Variants in MGAT4A observed in about 807,000 individuals in gnomAD.
The protein encoded by MGAT4A is alpha-1,3-mannosyl-glycoprotein 4-beta-N-acetylglucosaminyltransferase A.
Under a neutral mutation model 74.1 loss-of-function variants are expected in MGAT4A, and 33 were observed. The ratio of observed to expected loss-of-function variants is 0.45; its 90% confidence interval spans 0.34 to 0.60. The LOEUF (loss-of-function observed/expected upper bound fraction) is 0.60, where lower values mean the gene tolerates loss of function less well. MGAT4A is among the 20% of genes least tolerant of loss of function. The pLI, the probability that MGAT4A is intolerant of heterozygous loss-of-function variation, is 0.02. For missense variants in MGAT4A, 479 were observed against 628.3 expected (o/e 0.76, Z 2.54); for synonymous variants, 198 against 210.4 (o/e 0.94, Z 0.51).
intron 14 of MGAT4A, among the ~76,000 whole-genome samples, chr2:98,632,196 TA>T: frequency 1.3e-5 from 2 of 152,152 alleles, no homozygotes; most frequent in South Asian, 4.2e-4. Context: ...ACAGCTAAAC[TA>T]AAAGAGCACC....
chr2:98,624,044 G>C lies in MGAT4A; in HGVS notation c.*1522C>G. On this transcript the variant is annotated 3_prime_UTR_variant, in exon 16 of 16. Transcript: ENST00000393487. Reference sequence around the variant, plus strand: ...TTTTTTTTTTTTGAGACGGAGTCTAGCTGTGTCGCCCAGGCTGGAGTGCAG... The same window carrying C: ...TTTTTTTTTTTTGAGACGGAGTCTACCTGTGTCGCCCAGGCTGGAGTGCAG... 1 of 983,798 alleles carries C rather than the reference G, an allele frequency of 1.0e-6. No homozygotes were observed. The highest frequency in any genetic ancestry group is 1.2e-6 in the Non-Finnish European group (1 of 828,714). 60.9% of individuals were successfully genotyped at this position (983,798 alleles called of 1,614,324 possible). A position where few individuals can be genotyped will look rare whatever the true frequency, so the allele number is the denominator to read the frequency against.
chr2:98,671,402 C>T (rs953514552), intron 4 of MGAT4A, among the ~76,000 whole-genome samples: 1 of 152,188 alleles, frequency 6.6e-6, no homozygotes, highest in African/African-American at 2.4e-5. Flanking sequence ...GAAAACCCTT[C>T]AATGGCTTCC....
At chr2:98,646,459 T>G (rs2104244542) in intron 8 of MGAT4A, among the ~76,000 whole-genome samples, 1 of 152,100 alleles carries the variant, frequency 6.6e-6, no homozygotes, top group South Asian at 2.1e-4. Flanking sequence ...ATCCCAGCAC[T>G]TCGGGGGGCC....
intron 2 of MGAT4A, among the ~76,000 whole-genome samples, chr2:98,719,302 C>T (rs1456964729): frequency 6.6e-6 from 1 of 152,048 alleles, no homozygotes; most frequent in Non-Finnish European, 1.5e-5. Context: ...GAATTTATGC[C>T]CCAGGGCATT....
At chr2:98,648,919 C>T (rs1321831285) in intron 8 of MGAT4A, among the ~76,000 whole-genome samples, 2 of 152,148 alleles carry the variant, frequency 1.3e-5, no homozygotes, top group Non-Finnish European at 1.5e-5. Flanking sequence ...GCCTTAGTCC[C>T]AGCTTCCTGG....
At chr2:98,628,466 TC>T (rs1317542475) in intron 14 of MGAT4A, among the ~76,000 whole-genome samples, 2 of 152,256 alleles carry the variant, frequency 1.3e-5, no homozygotes, top group African/African-American at 4.8e-5. Context: ...AAGTGGTTTT[TC>T]TTGCTTAGCT....
chr2:98,636,466 G>A (rs1233633870), intron 13 of MGAT4A, 51 bp downstream of exon 13: 8 of 1,346,492 alleles, frequency 5.9e-6, no homozygotes, highest in Non-Finnish European at 8.5e-6. Flanking sequence ...TTCAAGCTAA[G>A]TCTACTAGTA....
intron 4 of MGAT4A, among the ~76,000 whole-genome samples, chr2:98,673,892 A>C (rs1701944354): frequency 6.6e-6 from 1 of 152,202 alleles, no homozygotes. Context: ...TCTAAAAAAA[A>C]CAAAAAACAA....
intron 1 of MGAT4A, among the ~76,000 whole-genome samples, chr2:98,729,418 A>C (rs529976301): frequency 1.3e-5 from 2 of 152,370 alleles, no homozygotes; most frequent in East Asian, 3.8e-4. Flanking sequence ...CATAATTCAC[A>C]GGCTGGCTTG....
intron 4 of MGAT4A, among the ~76,000 whole-genome samples, chr2:98,663,863 G>A (rs2063861): frequency 0.011 from 1,671 of 152,208 alleles, 25 homozygotes; most frequent in African/African-American, 0.039. Context: ...TTAACTTCCT[G>A]GTTTTTGATC....
intron 2 of MGAT4A, chr2:98,694,861 A>C (rs1396367566): frequency 6.5e-6 from 1 of 153,772 alleles, no homozygotes; most frequent in East Asian, 1.9e-4. Flanking sequence ...CAAAAAACAC[A>C]GATGGTAGAT....
At chr2:98,701,209 T>A (rs1702351640) in intron 2 of MGAT4A, among the ~76,000 whole-genome samples, 1 of 152,226 alleles carries the variant, frequency 6.6e-6, no homozygotes, top group African/African-American at 2.4e-5. Flanking sequence ...TTAACACTGC[T>A]CTAAAGATTT....
At chr2:98,723,673 C>T (rs1702718285) in intron 2 of MGAT4A, among the ~76,000 whole-genome samples, 1 of 152,190 alleles carries the variant, frequency 6.6e-6, no homozygotes, top group South Asian at 2.1e-4. Context: ...GAATACTCTA[C>T]TCCCCTTCAG....
chr2:98,669,207 T>G (rs1442832281), intron 4 of MGAT4A, among the ~76,000 whole-genome samples: 2 of 152,172 alleles, frequency 1.3e-5, no homozygotes, highest in African/African-American at 2.4e-5. Context: ...CATCTCATCT[T>G]GAATTCCTAC....
intron 2 of MGAT4A, among the ~76,000 whole-genome samples, chr2:98,719,087 T>C (rs1225001122): frequency 1.3e-5 from 2 of 152,152 alleles, no homozygotes; most frequent in African/African-American, 4.8e-5. Flanking sequence ...GGGAGAATTG[T>C]GGATCTAGTG....
In MGAT4A at chr2:98,667,696, T is replaced by TTGTTG. The variant is rs1701855067; in HGVS notation, c.404-4518_404-4517insCAACA. Among the ~76,000 whole-genome samples the TTGTTG allele has an allele frequency of 4.7e-5, 7 of 150,160 alleles. No individual in the cohort carries two copies. In the South Asian group the frequency reaches 1.3e-3, roughly 27 times the overall value. ...TGGGTGCTGTTAAAGGCATTCAGTT[T>TTGTTG]TTGTTGTTGTTGTTGTTGTTGTTGT... On this transcript the variant is annotated intron_variant, in intron 4 of 15. Transcript: ENST00000393487.
At chr2:98,663,908 G>C (rs115974162) in intron 4 of MGAT4A, among the ~76,000 whole-genome samples, 1 of 152,006 alleles carries the variant, frequency 6.6e-6, no homozygotes, top group Non-Finnish European at 1.5e-5. Context: ...ACTGGGTAAG[G>C]GCATATGAAA....
At chr2:98,673,166 T>A (rs1701934155) in intron 4 of MGAT4A, among the ~76,000 whole-genome samples, 1 of 152,012 alleles carries the variant, frequency 6.6e-6, no homozygotes, top group South Asian at 2.1e-4. Context: ...TCCCCTGGGG[T>A]CAGCAGCCAC....
chr2:98,637,939 A>G (rs1222415204), intron 12 of MGAT4A, among the ~76,000 whole-genome samples: 3 of 152,180 alleles, frequency 2.0e-5, no homozygotes, highest in African/African-American at 7.2e-5. Flanking sequence ...TTACGTGGGA[A>G]TTCTTGGGGT....
Sources: allele counts gnomAD v4.1 joint callset (sites outside exome capture counted in the v4.1 genomes callset), GRCh38; gene constraint gnomAD v4.1.1; transcripts MANE v1.5; gene names NCBI Gene and HGNC (gene_info 2026-07-23, HGNC 2026-07-21).